TERF1: variants seen among roughly 807,000 people sequenced by gnomAD.
TERF1 encodes the protein telomeric repeat binding factor 1, also known as telomeric repeat-binding factor 1.
A neutral mutation model predicts 55.1 loss-of-function variants in TERF1; 20 were observed. The ratio of observed to expected loss-of-function variants is 0.36; its 90% CI spans 0.26 to 0.53. TERF1 has a LOEUF of 0.53. Ranked by LOEUF, TERF1 falls within the 20% of genes least tolerant of loss-of-function variation. The pLI is 0.91. For synonymous variants in TERF1, 168 were observed against 181.2 expected (o/e 0.93, Z 0.59); for missense variants, 439 against 535.7 (o/e 0.82, Z 1.78).
chr8:73,037,667 AT>A (rs11308835), intron 8 of TERF1, among the ~76,000 whole-genome samples: 47,662 of 81,354 alleles, frequency 0.59, 15,250 homozygotes, highest in Middle Eastern at 0.75. Context: ...GTATAATAAT[AT>A]TATATTATAT....
At chr8:73,027,155 T>C in intron 6 of TERF1, 103 bp downstream of exon 6, 1 of 807,726 alleles carries the variant, frequency 1.2e-6, no homozygotes. Flanking sequence ...GAGTAGCATG[T>C]TATCTTGCTG....
chr8:73,011,618 C>G (rs887527838), intron 1 of TERF1: 2 of 152,250 alleles, frequency 1.3e-5, no homozygotes, highest in Admixed American at 6.5e-5. Flanking sequence ...TAGATCTTCT[C>G]AATAACTTGT....
intron 3 of TERF1, 50 bp downstream of exon 3, chr8:73,020,855 T>A: frequency 9.0e-7 from 1 of 1,105,418 alleles, no homozygotes; most frequent in Non-Finnish European, 1.3e-6. Context: ...AAATAACATT[T>A]AAAAGAAATT....
At chr8:73,031,944 A>G (rs1809303819) in intron 7 of TERF1, 98 bp from the exon 8 acceptor site, 1 of 755,204 alleles carries the variant, frequency 1.3e-6, no homozygotes, top group Non-Finnish European at 2.1e-6. Context: ...AAGTATTAAT[A>G]GAAGATCCTA....
rs781389776 is a variant in TERF1, at chr8:73,008,937, T to A, written c.51T>A (p.Asp17Glu). The A allele has an allele frequency of 6.2e-7, 1 of 1,612,808 alleles. No individual in the cohort carries two copies. The highest frequency in any genetic ancestry group is 1.7e-4 in the Middle Eastern group (1 of 5,900). Residue 17 changes from aspartate (D) to glutamate (E), a missense_variant, in exon 1 of 10, where the codon GAT becomes GAA. This residue lies in a region of TERF1 where 179 missense variants were observed against 152.6 expected (regional missense o/e 1.17). Coordinates refer to ENST00000276603, the MANE Select transcript of TERF1 (RefSeq NM_017489.3). ...SAAPSPRGCA[D>E]GRDADPTEEQ... ...CCCCGAGCCCGCGGGGCTGTGCGGA[T>A]GGTAGGGATGCCGACCCTACTGAGG...
intron 8 of TERF1, among the ~76,000 whole-genome samples, chr8:73,036,733 A>G (rs1809527709): frequency 6.6e-6 from 1 of 151,066 alleles, no homozygotes; most frequent in Non-Finnish European, 1.5e-5. Flanking sequence ...TACAGTAACT[A>G]AAACAATGTA....
At chr8:73,020,325 T>G (rs1340193826) in intron 2 of TERF1, among the ~76,000 whole-genome samples, 1 of 152,200 alleles carries the variant, frequency 6.6e-6, no homozygotes, top group Non-Finnish European at 1.5e-5. Flanking sequence ...CTCACCATTT[T>G]ATAGGTGAGA....
intron 1 of TERF1, chr8:73,012,923 A>T (rs1375123365): frequency 2.2e-6 from 1 of 456,074 alleles, no homozygotes; most frequent in African/African-American, 2.0e-5. Flanking sequence ...GGCTGGCAGT[A>T]GATGTTCAGT....
chr8:73,019,871 C>A (rs1808676191), intron 2 of TERF1, among the ~76,000 whole-genome samples: 1 of 152,204 alleles, frequency 6.6e-6, no homozygotes, highest in African/African-American at 2.4e-5. Flanking sequence ...GCTTCCCTCT[C>A]CCCTACCATT....
At chr8:73,034,474 C>CG (rs1563469435) in intron 8 of TERF1, among the ~76,000 whole-genome samples, 1 of 152,122 alleles carries the variant, frequency 6.6e-6, no homozygotes, top group Non-Finnish European at 1.5e-5. Flanking sequence ...CATGTTGCCC[C>CG]TGCAGGTCTC....
At position 73,048,077 on chromosome 8, in the gene TERF1, A is replaced by T. The variant is rs1292100396; in HGVS notation, c.*1940A>T. Reference sequence around the variant, plus strand: ...ACATAACTTGTGGATACAAAAAAAGAGAAATTGTAAGCAAAATAAGTTGGG... The same window carrying T: ...ACATAACTTGTGGATACAAAAAAAGTGAAATTGTAAGCAAAATAAGTTGGG... On this transcript the variant is annotated 3_prime_UTR_variant, in exon 10 of 10. Coordinates refer to ENST00000276603, the MANE Select transcript of TERF1 (RefSeq NM_017489.3). The T allele has an allele frequency of 6.6e-6, 1 of 152,172 alleles. No homozygotes were observed. 9.4% of individuals were successfully genotyped at this position (152,172 alleles called of 1,614,324 possible).
intron 8 of TERF1, chr8:73,038,852 A>T (rs1239095410): frequency 1.5e-6 from 1 of 651,932 alleles, no homozygotes; most frequent in African/African-American, 1.9e-5. Context: ...TTTTAAACAG[A>T]TAATGGAAAG....
In TERF1 at chr8:73,032,049, A is replaced by C; in HGVS notation, c.955A>C (p.Lys319Gln). Residue 319 changes from lysine (K) to glutamine (Q), a missense_variant, in exon 8 of 10, where the codon AAG (lysine) becomes CAG (glutamine). Coordinates refer to ENST00000276603, the MANE Select transcript of TERF1 (RefSeq NM_017489.3). ...TTTCCTGTTTTATTTTAGGTCTCAC[A>C]AGAATCTTTTCTTATCTAAGTTGCA... is the stretch of plus-strand genomic sequence containing the variant. ...EGTVSLLRSH[K>Q]NLFLSKLQHG... is the part of the protein sequence containing the mutation. The C allele has an allele frequency of 6.2e-7, 1 of 1,607,966 alleles. No individual in the cohort carries two copies. The highest frequency in any genetic ancestry group is 8.5e-7 in the Non-Finnish European group (1 of 1,178,354).
At chr8:73,035,183 C>G (rs1809461693) in intron 8 of TERF1, among the ~76,000 whole-genome samples, 1 of 152,038 alleles carries the variant, frequency 6.6e-6, no homozygotes, top group African/African-American at 2.4e-5. Context: ...CAACTTTAGT[C>G]TGTTGATTGA....
Position 73,013,988 on chromosome 8 carries a change from T to A in TERF1, c.413T>A (p.Leu138His). 1 of 1,595,264 alleles carries A rather than the reference T, an allele frequency of 6.3e-7. No individual in the cohort carries two copies. The highest frequency in any genetic ancestry group is 8.6e-7 in the Non-Finnish European group (1 of 1,165,794). Residue 138 changes from leucine to histidine, a missense_variant and splice_region_variant, in exon 2 of 10, where the codon CTT becomes CAT. Leu to His is a moderately conservative substitution (Grantham distance 99). Around this residue, in one of 4 missense-constraint regions of TERF1, gnomAD observed 95 missense variants for 167.2 expected, o/e 0.57. Coordinates refer to ENST00000276603, the MANE Select transcript of TERF1 (RefSeq NM_017489.3). ...FLTRIAAGKT[L>H]DAQFENDERI... ...ACAAGAATTGCAGCAGGAAAAACCC[T>A]TGGTAAATATGTTTTTTTATTTTAT...
In TERF1 at chr8:73,025,620, G is replaced by C. The variant is rs190088640; in HGVS notation, c.774+649G>C. Among the ~76,000 whole-genome samples, 432 of 152,092 alleles carry C rather than the reference G, an allele frequency of 2.8e-3. 3 individuals carry two copies. The highest frequency in any genetic ancestry group is 9.7e-3 in the African/African-American group (402 of 41,468). On this transcript the variant is annotated intron_variant, in intron 5 of 9. Transcript: ENST00000276603. ...AAATACAAAAAAATTAGCTGGGTGT[G>C]GTGGCAGGTGCCTGTAGTCCCAGCT...
chr8:73,021,845 A>T (rs1437425973), intron 3 of TERF1, among the ~76,000 whole-genome samples: 1 of 152,216 alleles, frequency 6.6e-6, no homozygotes, highest in Non-Finnish European at 1.5e-5. Flanking sequence ...CCTAATCATC[A>T]CAAACATCAT....
At chr8:73,041,133 T>C (rs1353988339) in intron 9 of TERF1, among the ~76,000 whole-genome samples, 1 of 152,210 alleles carries the variant, frequency 6.6e-6, no homozygotes, top group Non-Finnish European at 1.5e-5. Flanking sequence ...TCAGACTGTG[T>C]TTTTTGCTTT....
At chr8:73,030,021 A>C (rs1390550450) in intron 6 of TERF1, 1 of 199,876 alleles carries the variant, frequency 5.0e-6, no homozygotes, top group African/African-American at 2.3e-5. Context: ...ATTATACCTT[A>C]ATAAAGCAGT....
Sources: allele counts gnomAD v4.1 joint callset (sites outside exome capture counted in the v4.1 genomes callset), GRCh38; gene constraint gnomAD v4.1.1; regional missense constraint gnomAD v4.1.1; transcripts MANE v1.5; gene names NCBI Gene and HGNC (gene_info 2026-07-23, HGNC 2026-07-21).